The following REV1 variants were observed in gnomAD, a reference collection of about 807,000 sequenced individuals.
REV1 encodes the protein REV1 DNA directed polymerase, also known as translesion synthesis protein REV1.
In REV1, 42 loss-of-function variants were observed where a neutral mutation model predicts 137.4. The observed-to-expected ratio is 0.31, with a 90% CI of 0.24 to 0.40. The LOEUF (loss-of-function observed/expected upper bound fraction) is 0.40. REV1 is among the 10% of genes least tolerant of loss of function. REV1 has a pLI of 1.00. For synonymous variants in REV1, 524 were observed against 519.2 expected (o/e 1.01, Z -0.12); for missense variants, 1,282 against 1,490.1 (o/e 0.86, Z 2.30).
chr2:99,488,596 G>A (rs1403251915), intron 1 of REV1, among the ~76,000 whole-genome samples: 1 of 152,180 alleles, frequency 6.6e-6, no homozygotes, highest in African/African-American at 2.4e-5. Flanking sequence ...GGAACTTTAG[G>A]TGAGCTCTTA....
intron 8 of REV1, chr2:99,431,970 C>A: frequency 1.2e-6 from 1 of 865,744 alleles, no homozygotes; most frequent in Non-Finnish European, 1.4e-6. Flanking sequence ...GAGAATAAAT[C>A]TATGACTAAT....
intron 3 of REV1, among the ~76,000 whole-genome samples, chr2:99,452,252 C>T (rs902093341): frequency 1.3e-5 from 2 of 151,988 alleles, no homozygotes; most frequent in Admixed American, 6.6e-5. Flanking sequence ...AAGTGAGACC[C>T]TGTCTCTACA....
chr2:99,424,011 T>C (rs2104625157), intron 10 of REV1, 141 bp downstream of exon 10: 1 of 855,758 alleles, frequency 1.2e-6, no homozygotes, highest in Non-Finnish European at 1.7e-6. Flanking sequence ...GGTCTCAAAC[T>C]GGGATGCTGA....
At chr2:99,459,991 GAC>G (rs1281814148) in intron 3 of REV1, among the ~76,000 whole-genome samples, 5 of 152,142 alleles carry the variant, frequency 3.3e-5, no homozygotes, top group African/African-American at 9.7e-5. Flanking sequence ...AACAAGAAGG[GAC>G]ACCACAGCTT....
intron 5 of REV1, among the ~76,000 whole-genome samples, chr2:99,440,395 C>T (rs1227866579): frequency 6.6e-6 from 1 of 152,186 alleles, no homozygotes; most frequent in African/African-American, 2.4e-5. Flanking sequence ...TATCAGGTTC[C>T]ACCTAAAGCC....
At position 99,429,948 on chromosome 2, in the gene REV1, G is replaced by A. The variant is rs1679906067; in HGVS notation, c.1439C>T (p.Ala480Val). The change falls in exon 9 of 23, where the codon GCA becomes GTA. Residue 480 changes from alanine (A) to valine (V), a missense_variant and splice_region_variant. Transcript: ENST00000258428. ...YQNKILKGKA[A>V]DIPDSSLWEN... ...CCACAATGATGAATCTGGTATATCT[G>A]CTTTAAAAATAAAAAAAAATTAATG... The A allele has an allele frequency of 3.2e-6, 5 of 1,549,788 alleles. No homozygotes were observed. Among genetic ancestry groups the A allele is most frequent in the South Asian group, 2.4e-5 (2 of 81,792 alleles).
At chr2:99,406,279 G>C in intron 16 of REV1, 46 bp downstream of exon 16, 1 of 1,532,526 alleles carries the variant, frequency 6.5e-7, no homozygotes, top group Non-Finnish European at 8.8e-7. Flanking sequence ...GTCTTTCCAA[G>C]GACATAAGCA....
chr2:99,407,625 G>C (rs1019848618), intron 15 of REV1, among the ~76,000 whole-genome samples: 7 of 151,730 alleles, frequency 4.6e-5, no homozygotes, highest in Admixed American at 4.6e-4. Context: ...AAGGCATCTT[G>C]ATGTGCCTGT....
At chr2:99,482,835 G>A (rs1436753420) in intron 1 of REV1, among the ~76,000 whole-genome samples, 1 of 151,944 alleles carries the variant, frequency 6.6e-6, no homozygotes, top group African/African-American at 2.4e-5. Context: ...TGGCCAACAT[G>A]GTGAAACCCC....
rs148202239 is a variant in REV1 at position 99,464,659 on chromosome 2, T to C, written c.54+263A>G. The stretch of plus-strand genomic sequence containing the variant: ...TGTGTTTTCCTGTTTTTCTGTATTA[T>C]TAGCAATGCTGCAATAAAATCATCA... On this transcript the variant is annotated intron_variant, in intron 2 of 22. Coordinates refer to ENST00000258428, the MANE Select transcript of REV1 (RefSeq NM_016316.4). 1.2e-3 allele frequency among the ~76,000 whole-genome samples: 189 copies of C among 152,334 alleles called. 2 individuals carry two copies. The highest frequency in any genetic ancestry group is 4.3e-3 in the African/African-American group (178 of 41,580).
At chr2:99,444,441 C>T (rs374502768) in intron 4 of REV1, among the ~76,000 whole-genome samples, 40 of 152,376 alleles carry the variant, frequency 2.6e-4, no homozygotes, top group African/African-American at 9.4e-4. Context: ...TCTACAGGTA[C>T]TCTCTATGGT....
At chr2:99,409,040 A>G (rs1389405771) in intron 14 of REV1, among the ~76,000 whole-genome samples, 1 of 152,170 alleles carries the variant, frequency 6.6e-6, no homozygotes, top group Non-Finnish European at 1.5e-5. Flanking sequence ...TGTAATCCCA[A>G]AACGCTGGGA....
intron 8 of REV1, among the ~76,000 whole-genome samples, chr2:99,433,797 T>C (rs940517307): frequency 6.6e-6 from 1 of 152,218 alleles, no homozygotes; most frequent in Non-Finnish European, 1.5e-5. Flanking sequence ...ATGAAAATCT[T>C]AATAAGTATT....
intron 9 of REV1, among the ~76,000 whole-genome samples, chr2:99,427,173 C>A (rs968045588): frequency 2.6e-5 from 4 of 152,100 alleles, no homozygotes; most frequent in Admixed American, 2.0e-4. Flanking sequence ...AAGAGCAAGA[C>A]TTCATCTCTG....
At chr2:99,455,859 G>A (rs547314769) in intron 3 of REV1, among the ~76,000 whole-genome samples, 1 of 152,094 alleles carries the variant, frequency 6.6e-6, no homozygotes, top group African/African-American at 2.4e-5. Context: ...GTTTCATTTT[G>A]TGAATTGTGC....
chr2:99,475,018 G>C (rs994594311), intron 1 of REV1, among the ~76,000 whole-genome samples: 15 of 152,146 alleles, frequency 9.9e-5, no homozygotes, highest in Non-Finnish European at 2.2e-4. Flanking sequence ...TCCGTATGTG[G>C]AAAGAGTTGG....
chr2:99,408,131 C>T lies in REV1; in HGVS notation c.2346G>A (p.Arg782=). ...CTGTTGCCTGGTCAAGAGTTACAGTCCTGTAAGTGATAGAATTAAAAAACA... is the reference window on the plus strand; with the variant it reads ...CTGTTGCCTGGTCAAGAGTTACAGTTCTGTAAGTGATAGAATTAAAAAACA... The part of the protein sequence containing the change: ...GGHGICDNIA[R]TVTLDQATDN... Residue 782 remains arginine, a splice_region_variant and synonymous_variant, in exon 15 of 23, where the codon AGG becomes AGA. Transcript: ENST00000258428. 1 of 1,582,466 alleles carries T rather than the reference C, an allele frequency of 6.3e-7. No individual in the cohort carries two copies. The highest frequency in any genetic ancestry group is 1.7e-5 in the Admixed American group (1 of 57,808).
chr2:99,403,625 A>G (rs28382967), intron 19 of REV1, 70 bp downstream of exon 19: 11 of 1,606,856 alleles, frequency 6.8e-6, no homozygotes, highest in African/African-American at 4.0e-5. Context: ...TATATACTGC[A>G]ATAATTAGAC....
rs1687282204 is a variant in REV1 at position 99,487,653 on chromosome 2, C to T, written c.-11+2164G>A. Among the ~76,000 whole-genome samples the T allele has an allele frequency of 1.7e-5, 2 of 118,728 alleles. 1 individual carries two copies. The highest frequency in any genetic ancestry group is 3.7e-5 in the Non-Finnish European group (2 of 54,470). 77.9% of individuals were successfully genotyped at this position (118,728 alleles called of 152,430 possible). A position where few individuals can be genotyped will look rare whatever the true frequency, so the allele number is the denominator to read the frequency against. ...GCTATTATAGTAAAAAAAAACTTTTCATTTTTAAATGTTCTGTTTAATATA... is the reference window on the plus strand; with the variant it reads ...GCTATTATAGTAAAAAAAAACTTTTTATTTTTAAATGTTCTGTTTAATATA... On this transcript the variant is annotated intron_variant, in intron 1 of 22. Transcript: ENST00000258428.
Sources: allele counts gnomAD v4.1 joint callset (sites outside exome capture counted in the v4.1 genomes callset), GRCh38; gene constraint gnomAD v4.1.1; transcripts MANE v1.5; gene names NCBI Gene and HGNC (gene_info 2026-07-23, HGNC 2026-07-21).